Variants in PSG11 observed in about 807,000 individuals in gnomAD.
PSG11 encodes pregnancy specific beta-1-glycoprotein 11.
A neutral mutation model predicts 36.0 loss-of-function variants in PSG11; 42 were observed. The observed-to-expected ratio is 1.17, with a 90% CI of 0.91 to 1.51. The LOEUF (loss-of-function observed/expected upper bound fraction) is 1.51, where lower values mean the gene tolerates loss of function less well. Among genes scored for constraint, PSG11 ranks in the 40% most tolerant of loss-of-function variants. PSG11 has a pLI of 0.00. For missense variants in PSG11, 558 were observed against 403.5 expected (o/e 1.38, Z -3.28); for synonymous variants, 206 against 153.5 (o/e 1.34, Z -2.53).
At chr19:43,012,367 C>T (rs950386935) in intron 4 of PSG11, among the ~76,000 whole-genome samples, 2 of 151,320 alleles carry the variant, frequency 1.3e-5, no homozygotes, top group African/African-American at 2.4e-5. Context: ...TTTCTGTTTA[C>T]AGATAACTTG....
At position 43,015,256 on chromosome 19, in the gene PSG11, A is replaced by T; in HGVS notation, c.824T>A (p.Ile275Asn). 1.2e-6 allele frequency: 2 copies of T among 1,611,510 alleles called. No homozygotes were observed. Among genetic ancestry groups the T allele is most frequent in the Non-Finnish European group, 1.7e-6 (2 of 1,178,514 alleles). The change falls in exon 4 of 6, where the codon ATT becomes AAT. Residue 275 changes from isoleucine (I) to asparagine (N), a missense_variant. Ile to Asn is a moderately radical substitution (Grantham distance 149, BLOSUM62 -3). Transcript: ENST00000320078. ...SNPPAQYSWT[I>N]NGKFQLSGQK... ...TCCTGATAGCTGAAACTTCCCATTA[A>T]TTGTCCAAGAATACTGTGCTGGTGG...
At position 43,024,960 on chromosome 19, in the gene PSG11, A is replaced by G. The variant is rs765917839; in HGVS notation, c.161T>C (p.Leu54Pro). ...AAGATTCTGGGGCAAATTGTGGACA[A>G]GTAGAAGAACATCCTTCCCCTCGGA... ...KVSEGKDVLL[L>P]VHNLPQNLTG... is the part of the protein sequence containing the mutation. Residue 54 changes from leucine (L) to proline (P), a missense_variant, in exon 2 of 6, where the codon CTT (leucine) becomes CCT (proline). Physicochemically the swap from Leu to Pro is moderately conservative, Grantham distance 98. Coordinates refer to ENST00000320078, the MANE Select transcript of PSG11 (RefSeq NM_002785.3). 10 of 1,611,788 alleles carry G rather than the reference A, an allele frequency of 6.2e-6. No homozygotes were observed. The South Asian group carries it at 9.9e-5, about 16-fold the overall frequency.
chr19:43,023,048 A>G (rs1967141026), intron 2 of PSG11, among the ~76,000 whole-genome samples: 1 of 150,890 alleles, frequency 6.6e-6, no homozygotes, highest in African/African-American at 2.5e-5. Context: ...TGAGGGAGAC[A>G]CTGACTTCAG....
chr19:43,023,873 T>C (rs986410676), intron 2 of PSG11, among the ~76,000 whole-genome samples: 1 of 151,492 alleles, frequency 6.6e-6, no homozygotes, highest in African/African-American at 2.4e-5. Flanking sequence ...CCTGACCTAA[T>C]GCTTGGCACA....
intron 4 of PSG11, chr19:43,014,650 A>C (rs1490870572): frequency 9.0e-7 from 1 of 1,112,036 alleles, no homozygotes; most frequent in Non-Finnish European, 1.1e-6. Context: ...CAGGAAGCAG[A>C]GTCTGAGCTG....
In PSG11 at chr19:43,024,783, G is replaced by A. The variant is rs1452356413; in HGVS notation, c.338C>T (p.Thr113Ile). 6 of 1,611,858 alleles carry A rather than the reference G, an allele frequency of 3.7e-6. No homozygotes were observed. Among genetic ancestry groups the A allele is most frequent in the Admixed American group, 3.3e-5 (2 of 59,844 alleles). The change falls in exon 2 of 6, where the codon ACC (threonine) becomes ATC (isoleucine). Residue 113 changes from threonine to isoleucine, a missense_variant. Transcript: ENST00000320078. ...GGTGTAGGATCCTGCGTCCTCCCGG[G>A]TGACATTCTGGATCAGCAGGGATGC... ...SNASLLIQNV[T>I]REDAGSYTLH...
chr19:43,025,127 C>T (rs188476820), intron 1 of PSG11, 71 bp from the exon 2 acceptor site: 1 of 1,541,608 alleles, frequency 6.5e-7, no homozygotes, highest in Non-Finnish European at 8.8e-7. Context: ...GGCCCTGAGT[C>T]CTGAGAAGGT....
intron 1 of PSG11, 63 bp downstream of exon 1, chr19:43,026,246 G>A: frequency 6.2e-7 from 1 of 1,601,332 alleles, no homozygotes; most frequent in Non-Finnish European, 8.5e-7. Flanking sequence ...AGCCTCTCCA[G>A]GAGACCCCAT....
intron 4 of PSG11, 182 bp downstream of exon 4, chr19:43,014,934 A>G (rs985135550): frequency 1.8e-5 from 26 of 1,473,578 alleles, no homozygotes; most frequent in Non-Finnish European, 2.2e-5. Context: ...TCATGAGAAA[A>G]CAGAAAAAAA....
chr19:43,023,510 C>T (rs1423928187), intron 2 of PSG11, among the ~76,000 whole-genome samples: 24 of 151,058 alleles, frequency 1.6e-4, no homozygotes, highest in Non-Finnish European at 2.9e-4. Flanking sequence ...TTTTTTTGCA[C>T]TGACTTTGAT....
intron 2 of PSG11, among the ~76,000 whole-genome samples, chr19:43,023,403 C>A (rs1454068323): frequency 6.6e-6 from 1 of 150,876 alleles, no homozygotes; most frequent in East Asian, 1.9e-4. Flanking sequence ...AAGGTCCTCT[C>A]CTTGATCCTC....
rs369193836 is a variant in PSG11, at chr19:43,024,691, G to T, written c.430C>A (p.Leu144Met). ...VTGYFTFTLY[L>M]ETPKPSISSS... Reference sequence around the variant, plus strand: ...CCAGGGATCATGTGGAATCACTTACGGTATAAGGTGAAGGTGAAATATCCA... The same window carrying T: ...CCAGGGATCATGTGGAATCACTTACTGTATAAGGTGAAGGTGAAATATCCA... Residue 144 changes from leucine to methionine, a missense_variant and splice_region_variant, in exon 2 of 6, where the codon CTG becomes ATG. Physicochemically the swap from Leu to Met is conservative, Grantham distance 15 (BLOSUM62 2). Coordinates refer to ENST00000320078, the MANE Select transcript of PSG11 (RefSeq NM_002785.3). 8 of 1,610,076 alleles carry T rather than the reference G, an allele frequency of 5.0e-6. No individual in the cohort carries two copies. The highest frequency in any genetic ancestry group is 5.9e-6 in the Non-Finnish European group (7 of 1,178,174).
chr19:43,026,244 C>A (rs866522698), intron 1 of PSG11, 65 bp downstream of exon 1: 5 of 1,600,468 alleles, frequency 3.1e-6, no homozygotes, highest in Non-Finnish European at 3.4e-6. Context: ...GGAGCCTCTC[C>A]AGGAGACCCC....
intron 3 of PSG11, chr19:43,018,496 G>T: frequency 2.7e-6 from 2 of 738,054 alleles, no homozygotes; most frequent in Non-Finnish European, 4.2e-6. Flanking sequence ...AATCCTCGCT[G>T]TGTTCACTGA....
At chr19:43,010,351 C>T in intron 4 of PSG11, 1 of 1,529,634 alleles carries the variant, frequency 6.5e-7, no homozygotes, top group Non-Finnish European at 8.7e-7. Flanking sequence ...TGCACCTTTT[C>T]ATGGTTGCAT....
rs901832495 is a variant in PSG11 at position 43,023,449 on chromosome 19, A to G, written c.430+1242T>C. On this transcript the variant is annotated intron_variant, in intron 2 of 5. Coordinates refer to ENST00000320078, the MANE Select transcript of PSG11 (RefSeq NM_002785.3). ...GACATGGACACTTTGGGAAACACAG[A>G]GTTTCAGGTTCAGTGATGGGGGTTA... Among the ~76,000 whole-genome samples the G allele has an allele frequency of 9.3e-5, 14 of 150,868 alleles. 1 individual carries two copies. The highest frequency in any genetic ancestry group is 3.9e-4 in the East Asian group (2 of 5,106).
At chr19:43,011,851 A>T (rs1344500308) in intron 4 of PSG11, among the ~76,000 whole-genome samples, 1 of 150,076 alleles carries the variant, frequency 6.7e-6, no homozygotes, top group African/African-American at 2.5e-5. Context: ...TAATCACACC[A>T]CTGTATTCCA....
At position 43,011,229 on chromosome 19, in the gene PSG11, G is replaced by T. The variant is rs892096690; in HGVS notation, c.965-1188C>A. Among the ~76,000 whole-genome samples, 75 of 151,244 alleles carry T rather than the reference G, an allele frequency of 5.0e-4. 1 individual carries two copies. The highest frequency in any genetic ancestry group is 6.2e-4 in the Non-Finnish European group (42 of 67,844). Reference sequence around the variant, plus strand: ...CATTGACTGCATGAAACCTTTAAAAGAATGGTACGAAGAAAACACTCTCAT... The same window carrying T: ...CATTGACTGCATGAAACCTTTAAAATAATGGTACGAAGAAAACACTCTCAT... On this transcript the variant is annotated intron_variant, in intron 4 of 5. Coordinates refer to ENST00000320078, the MANE Select transcript of PSG11 (RefSeq NM_002785.3).
intron 4 of PSG11, among the ~76,000 whole-genome samples, chr19:43,013,242 CAAATA>C (rs1974118893): frequency 6.6e-6 from 1 of 151,368 alleles, no homozygotes; most frequent in African/African-American, 2.4e-5. Flanking sequence ...GCATAGGCAA[CAAATA>C]AAATCAATAA....
Sources: gnomAD v4.1 joint callset for allele counts (sites outside exome capture counted in the v4.1 genomes callset) on GRCh38, gnomAD v4.1.1 for gene constraint, MANE v1.5 for transcripts, NCBI Gene and HGNC (gene_info 2026-07-23, HGNC 2026-07-21) for gene names.